Variants in ROR1 observed in about 807,000 individuals in gnomAD.
The protein encoded by ROR1 is inactive tyrosine-protein kinase transmembrane receptor ROR1.
A neutral mutation model predicts 78.8 loss-of-function variants in ROR1; 19 were observed. That is an observed-to-expected ratio of 0.24 (90% CI 0.17 to 0.35). The LOEUF (loss-of-function observed/expected upper bound fraction) is 0.35, where lower values mean the gene tolerates loss of function less well. Ranked by LOEUF, ROR1 falls within the 10% of genes least tolerant of loss-of-function variation. ROR1 has a pLI of 1.00. For missense variants in ROR1, 917 were observed against 1,177.8 expected (o/e 0.78, Z 3.24); for synonymous variants, 386 against 433.6 (o/e 0.89, Z 1.36).
chr1:63,821,195 C>G (rs1423283931), intron 1 of ROR1, among the ~76,000 whole-genome samples: 7 of 152,182 alleles, frequency 4.6e-5, no homozygotes, highest in African/African-American at 1.7e-4. Context: ...TTTAACCATG[C>G]TGTCCTTATC....
At chr1:63,972,177 A>G (rs932495664) in intron 1 of ROR1, among the ~76,000 whole-genome samples, 1 of 152,050 alleles carries the variant, frequency 6.6e-6, no homozygotes, top group Non-Finnish European at 1.5e-5. Context: ...GCTTATAGGA[A>G]TTTGCCATCT....
At chr1:64,172,539 T>A (rs1286988394) in intron 8 of ROR1, among the ~76,000 whole-genome samples, 1 of 152,190 alleles carries the variant, frequency 6.6e-6, no homozygotes, top group Non-Finnish European at 1.5e-5. Flanking sequence ...ACCGAGGCCA[T>A]CTTGTCCTTC....
At chr1:63,901,775 T>G (rs1242397104) in intron 1 of ROR1, among the ~76,000 whole-genome samples, 2 of 152,164 alleles carry the variant, frequency 1.3e-5, no homozygotes, top group Admixed American at 6.5e-5. Context: ...CCTTCTATCA[T>G]ATATTAATGA....
At chr1:63,844,830 G>T (rs1645071151) in intron 1 of ROR1, among the ~76,000 whole-genome samples, 1 of 152,164 alleles carries the variant, frequency 6.6e-6, no homozygotes, top group South Asian at 2.1e-4. Flanking sequence ...CAAATGGAAG[G>T]TCATGCAATC....
chr1:63,787,811 C>T (rs1043427838), intron 1 of ROR1, among the ~76,000 whole-genome samples: 1 of 152,250 alleles, frequency 6.6e-6, no homozygotes, highest in Non-Finnish European at 1.5e-5. Flanking sequence ...CAGGCATAAG[C>T]CACTGCACCC....
intron 1 of ROR1, among the ~76,000 whole-genome samples, chr1:63,934,640 CTT>C (rs1447423135): frequency 6.6e-6 from 1 of 152,180 alleles, no homozygotes; most frequent in East Asian, 1.9e-4. Context: ...TAATTTAACA[CTT>C]ATTTAAATTT....
chr1:64,072,904 G>A (rs1022781720), intron 4 of ROR1, among the ~76,000 whole-genome samples: 2 of 152,172 alleles, frequency 1.3e-5, no homozygotes, highest in Non-Finnish European at 2.9e-5. Context: ...CCTTAGCTGG[G>A]AGCCTGGTTT....
chr1:63,983,436 G>A (rs1017932125), intron 1 of ROR1, among the ~76,000 whole-genome samples: 1 of 152,130 alleles, frequency 6.6e-6, no homozygotes, highest in African/African-American at 2.4e-5. Context: ...GGGGAAGCGG[G>A]ACCCCTCTAG....
chr1:63,790,350 G>A (rs1253434151), intron 1 of ROR1, among the ~76,000 whole-genome samples: 4 of 152,092 alleles, frequency 2.6e-5, no homozygotes, highest in Admixed American at 1.3e-4. Flanking sequence ...TTAAAAACGC[G>A]TCTTCGAACA....
At chr1:64,130,256 T>C (rs1001401287) in intron 4 of ROR1, among the ~76,000 whole-genome samples, 2 of 152,194 alleles carry the variant, frequency 1.3e-5, no homozygotes, top group African/African-American at 4.8e-5. Flanking sequence ...TGTGAGTCGT[T>C]GGCCCTCTGG....
At position 64,121,045 on chromosome 1, in the gene ROR1, T is replaced by TCAG. The variant is rs202160614; in HGVS notation, c.483-16323_483-16321dup. ...ATTTCTCTTCATGGCCACACTCCAG[T>TCAG]CAGGGAGATACCCCTTTTTTTTTTT... On this transcript the variant is annotated intron_variant, in intron 4 of 8. Transcript: ENST00000371079. 1.6e-3 allele frequency among the ~76,000 whole-genome samples: 230 copies of TCAG among 141,702 alleles called. 1 individual carries two copies. Among genetic ancestry groups the TCAG allele is most frequent in the African/African-American group, 5.9e-3 (219 of 36,856 alleles). The allele number at this position is 141,702 out of a possible 152,430, so 93.0% of individuals were successfully genotyped here. A position where few individuals can be genotyped will look rare whatever the true frequency, so the allele number is the denominator to read the frequency against.
chr1:63,814,486 A>G (rs986703213), intron 1 of ROR1, among the ~76,000 whole-genome samples: 1 of 151,910 alleles, frequency 6.6e-6, no homozygotes, highest in South Asian at 2.1e-4. Context: ...TGTGCACTTT[A>G]TTTCTGTTAT....
intron 1 of ROR1, among the ~76,000 whole-genome samples, chr1:63,925,108 A>G (rs1645690587): frequency 6.7e-6 from 1 of 150,000 alleles, no homozygotes; most frequent in Non-Finnish European, 1.5e-5. Context: ...GGTGCGCTGC[A>G]CCCACTAACT....
intron 1 of ROR1, among the ~76,000 whole-genome samples, chr1:63,939,212 C>A (rs1237275557): frequency 6.6e-6 from 1 of 152,118 alleles, no homozygotes; most frequent in Admixed American, 6.5e-5. Context: ...TGGTTTCCAA[C>A]CTTTGCTGCA....
intron 1 of ROR1, among the ~76,000 whole-genome samples, chr1:63,785,079 CT>C (rs1644675958): frequency 6.6e-6 from 1 of 152,170 alleles, no homozygotes; most frequent in African/African-American, 2.4e-5. Context: ...CCTAGATACC[CT>C]GGAAAGGCTC....
At chr1:63,968,684 G>A (rs78801132) in intron 1 of ROR1, among the ~76,000 whole-genome samples, 3,847 of 152,176 alleles carry the variant, frequency 0.025, 165 homozygotes, top group African/African-American at 0.088. Flanking sequence ...TTCATGCTTG[G>A]CATCAGGACC....
chr1:63,975,923 C>T (rs773697358), intron 1 of ROR1, among the ~76,000 whole-genome samples: 1 of 152,160 alleles, frequency 6.6e-6, no homozygotes, highest in African/African-American at 2.4e-5. Context: ...GAGTAAATCA[C>T]GACTTTCGTG....
chr1:63,919,134 A>G (rs1318345069), intron 1 of ROR1, among the ~76,000 whole-genome samples: 1 of 152,168 alleles, frequency 6.6e-6, no homozygotes, highest in Non-Finnish European at 1.5e-5. Flanking sequence ...AAAGGGTAGG[A>G]CTGGTTCTCT....
chr1:63,952,837 A>G (rs895863225), intron 1 of ROR1, among the ~76,000 whole-genome samples: 3 of 152,048 alleles, frequency 2.0e-5, no homozygotes, highest in Non-Finnish European at 1.5e-5. Context: ...TAGCAAGCAA[A>G]AGATTTTACC....
Sources: allele counts gnomAD v4.1 joint callset (sites outside exome capture counted in the v4.1 genomes callset), GRCh38; gene constraint gnomAD v4.1.1; transcripts MANE v1.5; gene names NCBI Gene and HGNC (gene_info 2026-07-23, HGNC 2026-07-21).